The following KLRG1 variants were observed in gnomAD, a reference collection of about 807,000 sequenced individuals.
The protein encoded by KLRG1 is killer cell lectin like receptor G1.
A neutral mutation model predicts 21.8 loss-of-function variants in KLRG1; 16 were observed. The observed-to-expected ratio is 0.73, with a 90% CI of 0.50 to 1.11. KLRG1 has a LOEUF of 1.11. KLRG1 is among the 50% of genes most tolerant of loss of function. The pLI is 0.00. For missense variants in KLRG1, 173 were observed against 218.3 expected, an observed-to-expected ratio of 0.79 and a Z score of 1.31; for synonymous variants, 69 against 75.9, an observed-to-expected ratio of 0.91 and a Z score of 0.47.
At chr12:9,131,546 G>C in the KLRG1 span, among the ~76,000 whole-genome samples, 32 of 151,974 alleles carry the variant, frequency 2.1e-4, no homozygotes, top group Non-Finnish European at 4.3e-4. Flanking sequence ...TAAGTTACTA[G>C]AGGTGAAAAA....
At chr12:9,028,885 T>C in the KLRG1 span, 1 of 639,776 alleles carries the variant, frequency 1.6e-6, no homozygotes, top group Non-Finnish European at 2.9e-6. Flanking sequence ...CGTGGCCGCA[T>C]CCACCTCCTC....
the KLRG1 span, chr12:9,110,378 A>G: frequency 8.1e-4 from 1,013 of 1,243,246 alleles, 3 homozygotes; most frequent in East Asian, 8.0e-3. Flanking sequence ...ATTTTCAAAT[A>G]TTCTTAAATC....
At chr12:9,036,816 G>A in the KLRG1 span, 285 of 421,060 alleles carry the variant, frequency 6.8e-4, 1 homozygote, top group African/African-American at 5.6e-3. Flanking sequence ...CTTTGGTTAC[G>A]AGGGCTGGCT....
At chr12:8,979,674 T>G (rs1946722969) in intron 1 of KLRG1, among the ~76,000 whole-genome samples, 4 of 152,152 alleles carry the variant, frequency 2.6e-5, no homozygotes, top group Admixed American at 1.3e-4. Flanking sequence ...TCTATTCTCC[T>G]TGTGGGACTT....
At chr12:9,141,188 A>G in the KLRG1 span, among the ~76,000 whole-genome samples, 9 of 152,216 alleles carry the variant, frequency 5.9e-5, no homozygotes, top group Non-Finnish European at 1.2e-4. Flanking sequence ...ACTAAGATAT[A>G]TCAGAAATAT....
the KLRG1 span, chr12:9,200,278 CA>C: frequency 1.2e-6 from 1 of 869,498 alleles, no homozygotes. Context: ...AGTGCTGAGG[CA>C]AAGTAAATTT....
chr12:8,955,375 ATTTTTTTTTTT>A (rs61263683), intron 1 of KLRG1, among the ~76,000 whole-genome samples: 10 of 71,298 alleles, frequency 1.4e-4, no homozygotes, highest in Non-Finnish European at 7.8e-5. Context: ...TATTGCTCTG[ATTTTTTTTTTT>A]TTTTTTTTTT....
At chr12:9,090,584 C>G in the KLRG1 span, 3 of 1,276,024 alleles carry the variant, frequency 2.4e-6, no homozygotes, top group Non-Finnish European at 3.3e-6. Context: ...TTCAGGTTGC[C>G]TCACATTAAA....
the KLRG1 span, among the ~76,000 whole-genome samples, chr12:9,102,054 G>A: frequency 2.0e-5 from 3 of 152,160 alleles, no homozygotes; most frequent in African/African-American, 7.2e-5. Flanking sequence ...CTTTCAGAAA[G>A]CAGCTGCCTC....
At chr12:9,067,925 AG>A in the KLRG1 span, 2 of 1,311,516 alleles carry the variant, frequency 1.5e-6, no homozygotes, top group Admixed American at 1.9e-5. Flanking sequence ...TGGGTAGCAT[AG>A]TGCCCAAGGA....
the KLRG1 span, among the ~76,000 whole-genome samples, chr12:9,020,642 C>T: frequency 6.6e-6 from 1 of 152,104 alleles, no homozygotes; most frequent in Non-Finnish European, 1.5e-5. Context: ...GGATTTACCG[C>T]AATTAATTTA....
At chr12:8,990,165 A>C (rs771269377) in intron 1 of KLRG1, 1 of 151,648 alleles carries the variant, frequency 6.6e-6, no homozygotes, top group Admixed American at 6.6e-5. Flanking sequence ...GTCAGGAAAG[A>C]AACTGATTTA....
chr12:9,072,420 G>A, the KLRG1 span: 2 of 1,613,884 alleles, frequency 1.2e-6, no homozygotes, highest in Non-Finnish European at 1.7e-6. Flanking sequence ...GTTTGAGGCA[G>A]AGTCTGCACT....
At chr12:9,209,637 A>G in the KLRG1 span, among the ~76,000 whole-genome samples, 1 of 152,070 alleles carries the variant, frequency 6.6e-6, no homozygotes, top group Non-Finnish European at 1.5e-5. Context: ...CAAAAAAAGA[A>G]ATAAATCAAG....
the KLRG1 span, among the ~76,000 whole-genome samples, chr12:9,194,668 GT>G: frequency 1.1e-4 from 16 of 152,002 alleles, no homozygotes; most frequent in South Asian, 1.0e-3. Context: ...GTTTCACCAT[GT>G]TAGCCAGGAT....
chr12:9,041,004 C>T, the KLRG1 span, among the ~76,000 whole-genome samples: 1 of 152,204 alleles, frequency 6.6e-6, no homozygotes, highest in African/African-American at 2.4e-5. Flanking sequence ...TCCAAAGATG[C>T]ACATCACTGC....
In KLRG1 at chr12:9,000,334, G is replaced by A. The variant is rs187138140; in HGVS notation, c.357+5046G>A. On this transcript the variant is annotated intron_variant, in intron 3 of 4. Coordinates refer to ENST00000356986, the MANE Select transcript of KLRG1 (RefSeq NM_005810.4). ...TTTATAATCAGATTAAGCAGCTAGT[G>A]TCAACTGCATAACAAGGGATGGGCA... 3.9e-4 allele frequency among the ~76,000 whole-genome samples: 59 copies of A among 152,286 alleles called. 2 individuals carry two copies. Among genetic ancestry groups the A allele is most frequent in the African/African-American group, 1.4e-3 (57 of 41,548 alleles).
chr12:9,107,958 C>T, the KLRG1 span, among the ~76,000 whole-genome samples: 4 of 151,534 alleles, frequency 2.6e-5, no homozygotes, highest in East Asian at 1.9e-4. Flanking sequence ...ACCAGCAAGA[C>T]GAAACAAACA....
chr12:8,995,020 A>AG, intron 2 of KLRG1, 99 bp from the exon 3 acceptor site: 2 of 1,061,776 alleles, frequency 1.9e-6, no homozygotes, highest in East Asian at 5.0e-5. Context: ...GTGGTGGAGC[A>AG]GGGAAGACCC....
Sources: gnomAD v4.1 joint callset for allele counts (sites outside exome capture counted in the v4.1 genomes callset) on GRCh38, gnomAD v4.1.1 for gene constraint, MANE v1.5 for transcripts, NCBI Gene and HGNC (gene_info 2026-07-23, HGNC 2026-07-21) for gene names.